Variants in TRPM8 observed in about 807,000 individuals in gnomAD.
TRPM8 encodes the protein transient receptor potential cation channel subfamily M member 8.
A neutral mutation model predicts 133.7 loss-of-function variants in TRPM8; 110 were observed. That is an observed-to-expected ratio of 0.82 (90% confidence interval 0.70 to 0.96). TRPM8 has a LOEUF of 0.96. TRPM8 is among the 40% of genes least tolerant of loss of function. TRPM8 has a pLI of 0.00. For missense variants in TRPM8, 1,291 were observed against 1,379.5 expected (o/e 0.94, Z 1.02); for synonymous variants, 535 against 532.3 (o/e 1.01, Z -0.07).
At chr2:233,992,361 A>G (rs1316111932) in intron 21 of TRPM8, among the ~76,000 whole-genome samples, 1 of 151,292 alleles carries the variant, frequency 6.6e-6, no homozygotes, top group Non-Finnish European at 1.5e-5. Flanking sequence ...TTTCCCTTTG[A>G]TCTAGTATTA....
chr2:233,940,037 G>C (rs1690865583), intron 5 of TRPM8, among the ~76,000 whole-genome samples: 1 of 147,816 alleles, frequency 6.8e-6, no homozygotes, highest in Non-Finnish European at 1.5e-5. Flanking sequence ...ATTCCAAATC[G>C]ATTTAGCTTT....
chr2:233,965,428 A>T (rs1337543990), intron 14 of TRPM8, among the ~76,000 whole-genome samples: 1 of 152,208 alleles, frequency 6.6e-6, no homozygotes, highest in African/African-American at 2.4e-5. Context: ...GCTGTTTGCT[A>T]TTCAGTCCTC....
Position 233,966,716 on chromosome 2 carries a change from G to A in TRPM8, c.1986G>A (p.Glu662=), listed in dbSNP as rs1319655125. 2 of 1,608,882 alleles carry A rather than the reference G, an allele frequency of 1.2e-6. No individual in the cohort carries two copies. Among genetic ancestry groups the A allele is most frequent in the African/African-American group, 1.3e-5 (1 of 74,846 alleles). ...GCAACTGTCTGGAGCTGGCGGTGGA[G>A]GCCACAGACCAGCATTTCATCGCCC... ...GGSNCLELAV[E]ATDQHFIAQP... is the part of the protein sequence containing the mutation. The change falls in exon 15 of 26, where the codon GAG becomes GAA. Residue 662 remains glutamate, a synonymous_variant. Transcript: ENST00000324695.
rs79772848 is a variant in TRPM8, at chr2:233,945,298, T to G, written c.700-558T>G. Among the ~76,000 whole-genome samples the G allele has an allele frequency of 1.5e-3, 230 of 152,330 alleles. 5 individuals are homozygous for G. In the East Asian group the frequency reaches 0.033, roughly 22 times the overall value. On this transcript the variant is annotated intron_variant, in intron 6 of 25. Transcript: ENST00000324695. Reference sequence around the variant, plus strand: ...AGCAGTTTTTTATTCTCTGGTATTTTGGGAACAAAGTATCCATTTAATTAC... The same window carrying G: ...AGCAGTTTTTTATTCTCTGGTATTTGGGGAACAAAGTATCCATTTAATTAC...
chr2:233,921,737 C>T (rs1242081303), intron 1 of TRPM8, among the ~76,000 whole-genome samples: 16 of 128,860 alleles, frequency 1.2e-4, no homozygotes, highest in East Asian at 2.3e-4. Context: ...AGTGCAGGGG[C>T]GTGATCTCGG....
intron 3 of TRPM8, among the ~76,000 whole-genome samples, chr2:233,937,064 G>C (rs2108810): frequency 2.0e-5 from 3 of 151,690 alleles, no homozygotes; most frequent in African/African-American, 7.3e-5. Flanking sequence ...GCCCAGCTGA[G>C]TTTTGTATTT....
intron 2 of TRPM8, among the ~76,000 whole-genome samples, chr2:233,927,962 T>TCTCTC (rs1559516800): frequency 0.019 from 602 of 31,372 alleles, 73 homozygotes; most frequent in Middle Eastern, 0.042. Flanking sequence ...CTCTCTCTCT[T>TCTCTC]TCTTTCTTTC....
intron 17 of TRPM8, among the ~76,000 whole-genome samples, chr2:233,975,797 G>A (rs1025833723): frequency 5.3e-5 from 8 of 152,300 alleles, no homozygotes; most frequent in Middle Eastern, 3.4e-3. Flanking sequence ...CAGTAGAATC[G>A]CTTGAACCCT....
At chr2:234,014,495 C>A (rs544506799) in intron 24 of TRPM8, 67 bp from the exon 25 acceptor site, 56 of 957,824 alleles carry the variant, frequency 5.8e-5, no homozygotes, top group East Asian at 1.5e-4. Flanking sequence ...AGGCACAGAG[C>A]GATAATTTAA....
chr2:233,923,222 T>G (rs1691444945), intron 1 of TRPM8, among the ~76,000 whole-genome samples: 3 of 152,240 alleles, frequency 2.0e-5, no homozygotes, highest in Non-Finnish European at 4.4e-5. Flanking sequence ...CCTCTGGCCC[T>G]ATTAATTTTG....
chr2:234,014,298 G>A (rs904231964), intron 24 of TRPM8, among the ~76,000 whole-genome samples: 2 of 152,034 alleles, frequency 1.3e-5, no homozygotes, highest in African/African-American at 4.8e-5. Context: ...CTGTTTGGGA[G>A]CACTAATGAT....
Position 234,019,178 on chromosome 2 carries a change from T to C in TRPM8, c.*1922T>C, listed in dbSNP as rs1173776181. 1 of 152,230 alleles carries C rather than the reference T, an allele frequency of 6.6e-6. No individual in the cohort carries two copies. The highest frequency in any genetic ancestry group is 1.5e-5 in the Non-Finnish European group (1 of 68,050). The allele number at this position is 152,230 out of a possible 1,614,324, so 9.4% of individuals were successfully genotyped here. A position where few individuals can be genotyped will look rare whatever the true frequency, so the allele number is the denominator to read the frequency against. On this transcript the variant is annotated 3_prime_UTR_variant, in exon 26 of 26. Transcript: ENST00000324695. ...AAATAACTACTCACAACATTCACTA[T>C]GTTTGCAAGGAATTAACACAAATAA...
chr2:233,973,951 G>A (rs919518172), intron 17 of TRPM8, among the ~76,000 whole-genome samples: 2 of 152,218 alleles, frequency 1.3e-5, no homozygotes, highest in African/African-American at 4.8e-5. Flanking sequence ...CCGACCTGGC[G>A]TGGTTTCCTC....
chr2:233,994,541 A>G (rs943109930), intron 21 of TRPM8, among the ~76,000 whole-genome samples: 2 of 152,238 alleles, frequency 1.3e-5, no homozygotes, highest in Admixed American at 6.5e-5. Flanking sequence ...GGCACCTGCT[A>G]CAAGTCTGCC....
intron 17 of TRPM8, among the ~76,000 whole-genome samples, chr2:233,978,785 A>C (rs1187782684): frequency 6.6e-6 from 1 of 152,216 alleles, no homozygotes; most frequent in African/African-American, 2.4e-5. Context: ...GACTGTTGAC[A>C]CACCCCACGG....
At chr2:233,987,972 C>CTTT (rs58639039) in intron 21 of TRPM8, among the ~76,000 whole-genome samples, 48 of 140,932 alleles carry the variant, frequency 3.4e-4, no homozygotes, top group East Asian at 1.0e-3. Context: ...CATTAAACCT[C>CTTT]TTTTTTTTTT....
At chr2:233,956,234 G>T (rs544367898) in intron 11 of TRPM8, among the ~76,000 whole-genome samples, 1 of 152,192 alleles carries the variant, frequency 6.6e-6, no homozygotes, top group African/African-American at 2.4e-5. Flanking sequence ...GTGCCAAAAA[G>T]ATTGGTGACT....
Position 234,017,687 on chromosome 2 carries a change from C to G in TRPM8, c.*431C>G, listed in dbSNP as rs1178695374. 6.1e-6 allele frequency: 1 copy of G among 163,250 alleles called. No homozygotes were observed. Among genetic ancestry groups the G allele is most frequent in the South Asian group, 1.6e-4 (1 of 6,238 alleles). The allele number at this position is 163,250 out of a possible 1,614,324, so 10.1% of individuals were successfully genotyped here. On this transcript the variant is annotated 3_prime_UTR_variant, in exon 26 of 26. Transcript: ENST00000324695. ...TTGTTCATTTCCAATTGATTCTCTA[C>G]TTTTCCCTTTTTTGTATTATGTGAC...
chr2:233,922,300 T>A (rs1691428198), intron 1 of TRPM8, among the ~76,000 whole-genome samples: 1 of 152,182 alleles, frequency 6.6e-6, no homozygotes, highest in South Asian at 2.1e-4. Context: ...AATTTTATTT[T>A]CTTTTTACAA....
Sources: gnomAD v4.1 joint callset for allele counts (sites outside exome capture counted in the v4.1 genomes callset) on GRCh38, gnomAD v4.1.1 for gene constraint, MANE v1.5 for transcripts, NCBI Gene and HGNC (gene_info 2026-07-23, HGNC 2026-07-21) for gene names.